The following NRXN1 variants were observed in gnomAD, a reference collection of about 807,000 sequenced individuals.
The protein encoded by NRXN1 is neurexin 1.
In NRXN1, 39 loss-of-function variants were observed where a neutral mutation model predicts 150.9. That is an observed-to-expected ratio of 0.26 (90% confidence interval 0.20 to 0.34). NRXN1 has a LOEUF of 0.34. Among genes scored for constraint, NRXN1 ranks in the 10% least tolerant of loss-of-function variants. The pLI, the probability that NRXN1 is intolerant of heterozygous loss-of-function variation, is 1.00. For missense variants in NRXN1, 1,815 were observed against 1,949.9 expected, an observed-to-expected ratio of 0.93 and a Z score of 1.30; for synonymous variants, 924 against 757.0, an observed-to-expected ratio of 1.22 and a Z score of -3.62.
intron 2 of NRXN1, among the ~76,000 whole-genome samples, chr2:50,956,347 A>C (rs1274819066): frequency 6.6e-6 from 1 of 152,160 alleles, no homozygotes; most frequent in African/African-American, 2.4e-5. Flanking sequence ...TCAAGCATCC[A>C]CTGGGGGGCC....
chr2:50,988,270 T>C (rs963739285), intron 2 of NRXN1, among the ~76,000 whole-genome samples: 1 of 151,938 alleles, frequency 6.6e-6, no homozygotes, highest in Admixed American at 6.6e-5. Flanking sequence ...AAGGTCTTAG[T>C]CATTATTTAT....
intron 5 of NRXN1, among the ~76,000 whole-genome samples, chr2:50,892,509 C>G (rs992519051): frequency 2.6e-5 from 4 of 152,072 alleles, no homozygotes; most frequent in African/African-American, 2.4e-5. Context: ...GGTCATCTTA[C>G]AGAGGCAGTA....
chr2:50,414,511 T>A (rs140893386), intron 17 of NRXN1, among the ~76,000 whole-genome samples: 63 of 152,204 alleles, frequency 4.1e-4, no homozygotes, highest in African/African-American at 1.2e-3. Flanking sequence ...TTTTGAAAGA[T>A]GTTTTTTTAA....
intron 17 of NRXN1, among the ~76,000 whole-genome samples, chr2:50,449,224 A>C (rs753276521): frequency 1.6e-4 from 24 of 152,236 alleles, no homozygotes; most frequent in Admixed American, 1.4e-3. Flanking sequence ...AGCCTGCTAA[A>C]CCAGTGGAGA....
chr2:49,971,816 A>G (rs1227320788), intron 21 of NRXN1, among the ~76,000 whole-genome samples: 1 of 152,150 alleles, frequency 6.6e-6, no homozygotes, highest in African/African-American at 2.4e-5. Flanking sequence ...TGATCTGAGT[A>G]TATTATCCTG....
At chr2:50,202,883 A>G (rs1358949834) in intron 18 of NRXN1, among the ~76,000 whole-genome samples, 2 of 152,174 alleles carry the variant, frequency 1.3e-5, no homozygotes, top group Non-Finnish European at 2.9e-5. Flanking sequence ...GACTTTTAAA[A>G]TAACTCTATA....
intron 17 of NRXN1, among the ~76,000 whole-genome samples, chr2:50,252,258 C>CTTTTTT (rs143522284): frequency 2.0e-3 from 137 of 69,740 alleles, no homozygotes; most frequent in Non-Finnish European, 2.4e-3. Context: ...TTTTTCTTTT[C>CTTTTTT]TTTTTTTTTT....
intron 21 of NRXN1, among the ~76,000 whole-genome samples, chr2:50,006,458 T>C (rs1684785519): frequency 6.6e-6 from 1 of 152,120 alleles, no homozygotes; most frequent in Non-Finnish European, 1.5e-5. Context: ...TTCTATCATC[T>C]GCCCACCATT....
intron 12 of NRXN1, chr2:50,507,046 A>G (rs986722777): frequency 1.9e-5 from 3 of 160,550 alleles, no homozygotes; most frequent in Admixed American, 1.2e-4. Context: ...GCCATCATGT[A>G]ACCTCTGAGC....
chr2:50,015,254 C>T lies in NRXN1; in HGVS notation c.4128+38017G>A, dbSNP rs180923145. Among the ~76,000 whole-genome samples, 28 of 152,086 alleles carry T rather than the reference C, an allele frequency of 1.8e-4. 1 individual carries two copies. The East Asian group carries it at 4.9e-3, about 26-fold the overall frequency. ...CTAACACAAGGGGACACTTGCTGCA[C>T]ACTTTATGATTAGAGCTGTTCCATG... is the stretch of plus-strand genomic sequence containing the variant. On this transcript the variant is annotated intron_variant, in intron 21 of 22. Coordinates refer to ENST00000401669, the MANE Select transcript of NRXN1 (RefSeq NM_001330078.2).
intron 17 of NRXN1, among the ~76,000 whole-genome samples, chr2:50,290,366 T>C (rs768397616): frequency 2.6e-5 from 4 of 152,166 alleles, no homozygotes; most frequent in Non-Finnish European, 5.9e-5. Context: ...GTTCTGTATA[T>C]AATAAGGGAG....
At chr2:50,136,310 T>G (rs929581876) in intron 18 of NRXN1, among the ~76,000 whole-genome samples, 5 of 152,210 alleles carry the variant, frequency 3.3e-5, no homozygotes, top group Non-Finnish European at 7.3e-5. Flanking sequence ...CTGGGTTAAG[T>G]ATCCAAACCA....
chr2:51,027,473 G>C, intron 2 of NRXN1, 29 bp downstream of exon 2: 1 of 1,486,898 alleles, frequency 6.7e-7, no homozygotes, highest in Non-Finnish European at 8.9e-7. Context: ...CCAGGCCCCG[G>C]CCCCCGTGGG....
intron 5 of NRXN1, among the ~76,000 whole-genome samples, chr2:50,886,414 T>C (rs1574829800): frequency 6.6e-6 from 1 of 151,440 alleles, no homozygotes. Context: ...GTTTGTTTTA[T>C]ATAATATTGT....
intron 5 of NRXN1, among the ~76,000 whole-genome samples, chr2:50,841,711 T>C (rs1387430732): frequency 6.6e-6 from 1 of 152,180 alleles, no homozygotes; most frequent in Non-Finnish European, 1.5e-5. Flanking sequence ...TGTTATGTCT[T>C]TGGGAAAAAA....
At chr2:50,882,994 T>C (rs187066534) in intron 5 of NRXN1, among the ~76,000 whole-genome samples, 7 of 151,964 alleles carry the variant, frequency 4.6e-5, no homozygotes, top group Admixed American at 1.3e-4. Context: ...ACAACTGTCA[T>C]AGTAGCGAAT....
chr2:50,870,586 G>T (rs1217417859), intron 5 of NRXN1, among the ~76,000 whole-genome samples: 6 of 151,932 alleles, frequency 3.9e-5, no homozygotes, highest in Non-Finnish European at 8.8e-5. Context: ...TCTTGACTCT[G>T]TCTCCAGAAA....
At position 50,959,644 on chromosome 2, in the gene NRXN1, T is replaced by G. The variant is rs76565280; in HGVS notation, c.773-33689A>C. Among the ~76,000 whole-genome samples the G allele has an allele frequency of 7.8e-3, 1,186 of 152,084 alleles. 19 individuals are homozygous for G. The highest frequency in any genetic ancestry group is 0.028 in the African/African-American group (1,144 of 41,544). ...TGGTTGTGGGTTTCTTTTTGGATAA[T>G]GAAAATATTCTGGAATTAGCATGAC... On this transcript the variant is annotated intron_variant, in intron 2 of 22. Transcript: ENST00000401669.
rs73930568 is a variant in NRXN1, at chr2:50,543,302, T to A, written c.1760-4666A>T. On this transcript the variant is annotated intron_variant, in intron 9 of 22. Transcript: ENST00000401669. ...TATGTAAACATTGTTACATTAAGGC[T>A]CCTAAAATTGGGGAAAAGTTCATAT... Among the ~76,000 whole-genome samples, 429 of 152,196 alleles carry A rather than the reference T, an allele frequency of 2.8e-3. 1 individual carries two copies. Among genetic ancestry groups the A allele is most frequent in the African/African-American group, 9.8e-3 (406 of 41,544 alleles).
Sources: gnomAD v4.1 joint callset for allele counts (sites outside exome capture counted in the v4.1 genomes callset) on GRCh38, gnomAD v4.1.1 for gene constraint, MANE v1.5 for transcripts, NCBI Gene and HGNC (gene_info 2026-07-23, HGNC 2026-07-21) for gene names.